Variants in ADORA2B observed in about 807,000 individuals in gnomAD.
ADORA2B encodes adenosine receptor A2b.
ADORA2B carries 18 observed loss-of-function variants against 20.8 expected under a neutral mutation model. The ratio of observed to expected loss-of-function variants is 0.87; its 90% CI spans 0.60 to 1.29. The LOEUF is 1.29. ADORA2B is among the 50% of genes most tolerant of loss of function. ADORA2B has a pLI of 0.00. For missense variants in ADORA2B, 441 were observed against 422.7 expected (o/e 1.04, Z -0.38); for synonymous variants, 179 against 178.3 (o/e 1.00, Z -0.03).
intron 1 of ADORA2B, among the ~76,000 whole-genome samples, chr17:15,961,878 G>C: frequency 6.6e-6 from 1 of 152,152 alleles, no homozygotes; most frequent in East Asian, 1.9e-4. Context: ...CATTCCTGAG[G>C]CCAGAGCCCT....
the ADORA2B span, among the ~76,000 whole-genome samples, chr17:15,925,368 C>T: frequency 2.6e-5 from 4 of 152,038 alleles, no homozygotes; most frequent in South Asian, 8.3e-4. Flanking sequence ...ATGGGGGTCT[C>T]AAACTCCTGG....
In ADORA2B at chr17:15,945,352, C is replaced by G. The variant is rs61755963; in HGVS notation, c.104C>G (p.Ala35Gly). Residue 35 changes from alanine (A) to glycine (G), a missense_variant, in exon 1 of 2, where the codon GCG (alanine) becomes GGG (glycine). Physicochemically the swap from Ala to Gly is moderately conservative, Grantham distance 60. Coordinates refer to ENST00000304222, the MANE Select transcript of ADORA2B (RefSeq NM_000676.4). Reference protein sequence around the residue: ...NVLVCAAVGTANTLQTPTNYF... With the variant: ...NVLVCAAVGTGNTLQTPTNYF... ...CTGGTGTGCGCCGCGGTGGGCACGG[C>G]GAACACTCTGCAGACGCCCACCAAC... 1.9e-6 allele frequency: 3 copies of G among 1,608,930 alleles called. No individual in the cohort carries two copies. The highest frequency in any genetic ancestry group is 1.7e-4 in the Middle Eastern group (1 of 6,060).
At chr17:15,918,550 C>T in the ADORA2B span, among the ~76,000 whole-genome samples, 1 of 152,186 alleles carries the variant, frequency 6.6e-6, no homozygotes, top group Non-Finnish European at 1.5e-5. Context: ...CGGCTCACTG[C>T]AACCTCCGCC....
chr17:15,892,451 T>C, the ADORA2B span, among the ~76,000 whole-genome samples: 49,864 of 151,696 alleles, frequency 0.33, 8,885 homozygotes, highest in African/African-American at 0.46. Context: ...TTACAGGTGT[T>C]AGCCACCGTG....
At chr17:15,890,749 A>G in the ADORA2B span, among the ~76,000 whole-genome samples, 5 of 152,146 alleles carry the variant, frequency 3.3e-5, no homozygotes, top group Non-Finnish European at 5.9e-5. Flanking sequence ...TGAGCAGAGC[A>G]CAGCAGCCCC....
At chr17:15,861,752 G>A in the ADORA2B span, among the ~76,000 whole-genome samples, 1 of 152,186 alleles carries the variant, frequency 6.6e-6, no homozygotes. Context: ...TCCCTTTTCA[G>A]TGCCCCTGGT....
the ADORA2B span, among the ~76,000 whole-genome samples, chr17:15,873,301 A>G: frequency 1.3e-5 from 2 of 152,354 alleles, no homozygotes; most frequent in Admixed American, 1.3e-4. Context: ...TTCAGAAGAC[A>G]ATTTGGAAAA....
chr17:15,868,050 TC>T, the ADORA2B span, among the ~76,000 whole-genome samples: 4 of 147,118 alleles, frequency 2.7e-5, no homozygotes, highest in South Asian at 8.6e-4. Context: ...TGCCTTGGGA[TC>T]CTGTTGATCT....
chr17:15,876,891 G>C, the ADORA2B span, among the ~76,000 whole-genome samples: 1 of 152,178 alleles, frequency 6.6e-6, no homozygotes, highest in Admixed American at 6.5e-5. Flanking sequence ...AACTGAAACT[G>C]TTACCCATTA....
chr17:15,867,967 G>A, the ADORA2B span, among the ~76,000 whole-genome samples: 1 of 151,472 alleles, frequency 6.6e-6, no homozygotes, highest in African/African-American at 2.4e-5. Context: ...AAATCGGATG[G>A]TTGCCGTGTC....
chr17:15,941,667 G>A (rs574519534), upstream of ADORA2B, among the ~76,000 whole-genome samples: 2 of 150,302 alleles, frequency 1.3e-5, no homozygotes, highest in African/African-American at 4.9e-5. Flanking sequence ...GGTTGAGGCT[G>A]CAGTAAGCTA....
At chr17:15,860,619 G>A in the ADORA2B span, among the ~76,000 whole-genome samples, 4 of 152,082 alleles carry the variant, frequency 2.6e-5, no homozygotes, top group African/African-American at 4.8e-5. Flanking sequence ...TTTGAACAAG[G>A]GTTGATTTGC....
the ADORA2B span, among the ~76,000 whole-genome samples, chr17:15,883,297 A>T: frequency 6.6e-6 from 1 of 152,246 alleles, no homozygotes; most frequent in African/African-American, 2.4e-5. Context: ...TTCTCTTACT[A>T]AAAATATTCT....
chr17:15,948,027 G>GCCACAGCACCACCCC, intron 1 of ADORA2B, among the ~76,000 whole-genome samples: 1 of 152,140 alleles, frequency 6.6e-6, no homozygotes, highest in Admixed American at 6.5e-5. Context: ...AGTAAAGTTG[G>GCCACAGCACCACCCC]AAGTGCCCTG....
chr17:15,938,231 A>AAAGG, the ADORA2B span, among the ~76,000 whole-genome samples: 5 of 152,246 alleles, frequency 3.3e-5, no homozygotes, highest in South Asian at 6.2e-4. Context: ...GAAGGAAAGG[A>AAAGG]AAGGAAGGAA....
chr17:15,951,953 G>T (rs1023048156), intron 1 of ADORA2B, among the ~76,000 whole-genome samples: 2 of 152,354 alleles, frequency 1.3e-5, no homozygotes, highest in East Asian at 3.9e-4. Flanking sequence ...GGCACAGTCT[G>T]CAGCAGCTCT....
the ADORA2B span, among the ~76,000 whole-genome samples, chr17:15,862,482 A>T: frequency 6.6e-6 from 1 of 152,010 alleles, no homozygotes; most frequent in East Asian, 1.9e-4. Context: ...AAACGCTGGG[A>T]TTGCAGGTGT....
chr17:15,933,047 C>G, the ADORA2B span, among the ~76,000 whole-genome samples: 1 of 151,212 alleles, frequency 6.6e-6, no homozygotes, highest in Admixed American at 6.6e-5. Flanking sequence ...GCTCTGCCTC[C>G]CGGGTTCACA....
intron 1 of ADORA2B, among the ~76,000 whole-genome samples, chr17:15,967,641 A>G (rs976505000): frequency 3.3e-5 from 5 of 152,058 alleles, no homozygotes; most frequent in Admixed American, 3.3e-4. Flanking sequence ...TCCAGCCTGG[A>G]CGACAGAGTG....
Sources: gnomAD v4.1 joint callset for allele counts (sites outside exome capture counted in the v4.1 genomes callset) on GRCh38, gnomAD v4.1.1 for gene constraint, MANE v1.5 for transcripts, NCBI Gene and HGNC (gene_info 2026-07-23, HGNC 2026-07-21) for gene names.